The following UTRN variants were observed in gnomAD, a reference collection of about 807,000 sequenced individuals.
UTRN encodes utrophin, also known as dystrophin-related protein 1.
Under a neutral mutation model 463.9 loss-of-function variants are expected in UTRN, and 283 were observed. The ratio of observed to expected loss-of-function variants is 0.61; its 90% CI spans 0.55 to 0.67. UTRN has a LOEUF of 0.67. UTRN is among the 30% of genes least tolerant of loss of function. The pLI is 0.00. For synonymous variants in UTRN, 1,442 were observed against 1,431.5 expected, an observed-to-expected ratio of 1.01 and a Z score of -0.17; for missense variants, 3,922 against 4,084.3, an observed-to-expected ratio of 0.96 and a Z score of 1.08.
chr6:144,415,037 G>T (rs1784252494), intron 3 of UTRN, among the ~76,000 whole-genome samples: 1 of 152,122 alleles, frequency 6.6e-6, no homozygotes. Context: ...ATCATATTTT[G>T]ACTGTACCTT....
At chr6:144,391,448 A>G (rs1781914869) in intron 2 of UTRN, among the ~76,000 whole-genome samples, 1 of 152,132 alleles carries the variant, frequency 6.6e-6, no homozygotes, top group South Asian at 2.1e-4. Context: ...GCGTAATTAT[A>G]AATTATGGCT....
chr6:144,488,708 C>A lies in UTRN; in HGVS notation c.4008C>A (p.Leu1336=). 1.2e-6 allele frequency: 2 copies of A among 1,613,130 alleles called. No individual in the cohort carries two copies. The highest frequency in any genetic ancestry group is 1.7e-6 in the Non-Finnish European group (2 of 1,179,444). ...ESKQISLEKQ[L]QVLRETDQML... is the part of the protein sequence containing the mutation. ...AGCAGATTTCTTTGGAAAAGCAACT[C>A]CAGGTGCTGCGGGAAACTGACCAGA... The change falls in exon 30 of 75, where the codon CTC becomes CTA. Residue 1336 remains leucine (L), a synonymous_variant. Coordinates refer to ENST00000367545, the MANE Select transcript of UTRN (RefSeq NM_007124.3).
chr6:144,827,297 G>A, intron 66 of UTRN, 51 bp from the exon 67 acceptor site: 1 of 1,605,440 alleles, frequency 6.2e-7, no homozygotes, highest in Non-Finnish European at 8.5e-7. Flanking sequence ...GTCTTAAATT[G>A]CTCTAAAGTG....
intron 52 of UTRN, among the ~76,000 whole-genome samples, chr6:144,681,249 G>A (rs537852245): frequency 2.0e-5 from 3 of 152,220 alleles, no homozygotes; most frequent in Admixed American, 6.6e-5. Flanking sequence ...GACGGGAGGC[G>A]GTGTCCAGAG....
chr6:144,756,696 C>T (rs561651379), intron 57 of UTRN, among the ~76,000 whole-genome samples: 1 of 152,232 alleles, frequency 6.6e-6, no homozygotes, highest in African/African-American at 2.4e-5. Flanking sequence ...CCTACTTCCT[C>T]ATTTTCATCC....
intron 53 of UTRN, among the ~76,000 whole-genome samples, chr6:144,715,987 G>A (rs148388319): frequency 6.6e-6 from 1 of 152,080 alleles, no homozygotes; most frequent in East Asian, 1.9e-4. Context: ...GGTAATAACT[G>A]AAATAGAAGT....
At chr6:144,459,745 C>T (rs920142721) in intron 21 of UTRN, among the ~76,000 whole-genome samples, 1 of 152,082 alleles carries the variant, frequency 6.6e-6, no homozygotes, top group Non-Finnish European at 1.5e-5. Flanking sequence ...CATGCACCAC[C>T]ATGCCTGGCT....
intron 58 of UTRN, among the ~76,000 whole-genome samples, chr6:144,769,298 GC>G (rs1480164630): frequency 1.3e-5 from 2 of 152,070 alleles, no homozygotes; most frequent in African/African-American, 4.8e-5. Context: ...AAAAAAAACA[GC>G]AGCCAACTGC....
At position 144,557,328 on chromosome 6, in the gene UTRN, G is replaced by T; in HGVS notation, c.7289+17G>T. ...CAAACAAAGGTAAGTCTAAGGCCCT[G>T]GCAGGTAAATGTATATTGTCAAGTT... On this transcript the variant is annotated intron_variant, in intron 50 of 74. Transcript: ENST00000367545. 1.2e-6 allele frequency: 2 copies of T among 1,601,654 alleles called. No individual in the cohort carries two copies. Among genetic ancestry groups the T allele is most frequent in the East Asian group, 2.3e-5 (1 of 44,346 alleles).
At chr6:144,483,410 C>T (rs766868266) in intron 27 of UTRN, among the ~76,000 whole-genome samples, 3 of 152,002 alleles carry the variant, frequency 2.0e-5, no homozygotes, top group Non-Finnish European at 2.9e-5. Context: ...TTCTTTTATT[C>T]TAATTCAGTG....
intron 51 of UTRN, among the ~76,000 whole-genome samples, chr6:144,656,999 C>T (rs1415459493): frequency 6.6e-6 from 1 of 152,108 alleles, no homozygotes; most frequent in Non-Finnish European, 1.5e-5. Context: ...GCCTGTAATC[C>T]CAGCACTTTG....
Position 144,538,117 on chromosome 6 carries a change from G to C in UTRN, c.6369+400G>C, listed in dbSNP as rs147716299. ...TAATCAGTAATTATCAGAGTGACTT[G>C]CTGAGGAACAAAATGCAGCTTGCAA... On this transcript the variant is annotated intron_variant, in intron 44 of 74. Transcript: ENST00000367545. 6.6e-3 allele frequency among the ~76,000 whole-genome samples: 1,012 copies of C among 152,242 alleles called. 14 individuals are homozygous for C. Among genetic ancestry groups the C allele is most frequent in the Middle Eastern group, 0.051 (15 of 294 alleles).
At chr6:144,587,574 G>A (rs1802588316) in intron 51 of UTRN, among the ~76,000 whole-genome samples, 1 of 152,162 alleles carries the variant, frequency 6.6e-6, no homozygotes, top group Admixed American at 6.5e-5. Flanking sequence ...AGGTAGTTAA[G>A]GTTGAGTATG....
chr6:144,530,370 T>G (rs2128601188), intron 41 of UTRN, among the ~76,000 whole-genome samples: 1 of 152,324 alleles, frequency 6.6e-6, no homozygotes, highest in East Asian at 1.9e-4. Flanking sequence ...TATGACCTCA[T>G]TTAACCTTAT....
At chr6:144,461,120 C>A in intron 21 of UTRN, 77 bp from the exon 22 acceptor site, 1 of 1,249,238 alleles carries the variant, frequency 8.0e-7, no homozygotes. Context: ...TATTGGAATT[C>A]ATTTAGGATA....
chr6:144,340,223 A>G (rs1056180515), intron 2 of UTRN, among the ~76,000 whole-genome samples: 3 of 152,198 alleles, frequency 2.0e-5, no homozygotes, highest in African/African-American at 7.2e-5. Context: ...GGGAAGTGCC[A>G]TAACTTGTCC....
At chr6:144,487,516 AT>A in intron 28 of UTRN, 31 bp from the exon 29 acceptor site, 1 of 1,569,132 alleles carries the variant, frequency 6.4e-7, no homozygotes, top group Non-Finnish European at 8.7e-7. Flanking sequence ...TAGTAAATGC[AT>A]TATTATTTTT....
chr6:144,802,030 G>A (rs1562929585), intron 64 of UTRN, among the ~76,000 whole-genome samples: 1 of 152,118 alleles, frequency 6.6e-6, no homozygotes, highest in Non-Finnish European at 1.5e-5. Flanking sequence ...ATTTTCTCAA[G>A]GCTCATTGCT....
At chr6:144,655,354 A>G (rs552442300) in intron 51 of UTRN, among the ~76,000 whole-genome samples, 2 of 152,292 alleles carry the variant, frequency 1.3e-5, no homozygotes, top group African/African-American at 4.8e-5. Flanking sequence ...TGAATTGAAA[A>G]CTCAGATCAC....
Sources: allele counts gnomAD v4.1 joint callset (sites outside exome capture counted in the v4.1 genomes callset), GRCh38; gene constraint gnomAD v4.1.1; transcripts MANE v1.5; gene names NCBI Gene and HGNC (gene_info 2026-07-23, HGNC 2026-07-21).